SLC26A7: variants seen among roughly 807,000 people sequenced by gnomAD.
SLC26A7 encodes solute carrier family 26 member 7.
A neutral mutation model predicts 82.5 loss-of-function variants in SLC26A7; 59 were observed. That is an observed-to-expected ratio of 0.72 (90% confidence interval 0.58 to 0.89). The LOEUF (loss-of-function observed/expected upper bound fraction) is 0.89. SLC26A7 is among the 40% of genes least tolerant of loss of function. The pLI is 0.00. For missense variants in SLC26A7, 820 were observed against 793.0 expected (o/e 1.03, Z -0.41); for synonymous variants, 271 against 274.3 (o/e 0.99, Z 0.12).
rs189755331 is a variant in SLC26A7, at chr8:91,325,448, A to G, written c.642+7068A>G. Among the ~76,000 whole-genome samples the G allele has an allele frequency of 1.2e-4, 19 of 152,306 alleles. No homozygotes were observed. In the East Asian group the frequency reaches 3.1e-3, roughly 25 times the overall value. On this transcript the variant is annotated intron_variant, in intron 5 of 18. Transcript: ENST00000276609. ...CAGGAACGGAGGGTGAAGGCACTGT[A>G]TAGATACAGGTAGGCTTTCACCAAA...
At chr8:91,363,660 T>C (rs2130871508) in intron 13 of SLC26A7, 122 bp downstream of exon 13, 1 of 536,250 alleles carries the variant, frequency 1.9e-6, no homozygotes, top group South Asian at 2.5e-5. Flanking sequence ...TTAATTAGTA[T>C]AAACTTCCAG....
intron 6 of SLC26A7, among the ~76,000 whole-genome samples, chr8:91,337,047 C>T: frequency 6.6e-6 from 1 of 152,066 alleles, no homozygotes; most frequent in South Asian, 2.1e-4. Flanking sequence ...ATGCTACTAT[C>T]GTATTACAAT....
intron 5 of SLC26A7, among the ~76,000 whole-genome samples, chr8:91,321,921 T>A (rs1812801263): frequency 6.6e-6 from 1 of 152,162 alleles, no homozygotes; most frequent in Non-Finnish European, 1.5e-5. Context: ...TTTTGTGCAC[T>A]GATGATAATT....
Position 91,363,494 on chromosome 8 carries a change from A to C in SLC26A7, c.1444A>C (p.Asn482His). ...CAGAGCAATGACTGTAAGTATAAAA[A>C]ATATGAAAGAAATGGAATTTAAAGT... is the stretch of plus-strand genomic sequence containing the variant. The part of the protein sequence containing the change: ...FPRAMTVSIK[N>H]MKEMEFKVKT... Residue 482 changes from asparagine (N) to histidine (H), a missense_variant, in exon 13 of 19, where the codon AAT becomes CAT. By Grantham distance (68) the Asn-to-His change is moderately conservative (BLOSUM62 1). Transcript: ENST00000276609. 6.6e-7 allele frequency: 1 copy of C among 1,508,348 alleles called. No homozygotes were observed. Among genetic ancestry groups the C allele is most frequent in the Non-Finnish European group, 9.1e-7 (1 of 1,099,550 alleles). The allele number at this position is 1,508,348 out of a possible 1,614,324, so 93.4% of individuals were successfully genotyped here. A position where few individuals can be genotyped will look rare whatever the true frequency, so the allele number is the denominator to read the frequency against.
chr8:91,282,504 T>G (rs889493612), intron 2 of SLC26A7, among the ~76,000 whole-genome samples: 35 of 152,162 alleles, frequency 2.3e-4, no homozygotes, highest in African/African-American at 8.4e-4. Context: ...AGGTGCAAGC[T>G]CTTTCCTCTG....
In SLC26A7 at chr8:91,233,644, T is replaced by C. The variant is rs373137596; in HGVS notation, c.-34+14639T>C. 1.3e-3 allele frequency among the ~76,000 whole-genome samples: 200 copies of C among 152,072 alleles called. 1 individual carries two copies. The highest frequency in any genetic ancestry group is 4.7e-3 in the African/African-American group (197 of 41,498). On this transcript the variant is annotated intron_variant, in intron 2 of 5. Transcript: ENST00000522862. ...GGAGAGGGGTGTGGAACCTGAAATC[T>C]CACCTTTCAGACAAATATGTTCTTG...
intron 9 of SLC26A7, among the ~76,000 whole-genome samples, chr8:91,344,405 A>G (rs1813504548): frequency 6.6e-6 from 1 of 152,190 alleles, no homozygotes; most frequent in Non-Finnish European, 1.5e-5. Context: ...CATTATTCAA[A>G]CAATTTATGT....
intron 9 of SLC26A7, chr8:91,348,263 T>C (rs1206917349): frequency 2.2e-6 from 2 of 891,242 alleles, no homozygotes; most frequent in African/African-American, 3.6e-5. Context: ...TTCTGCCCTT[T>C]CCCATCTCTT....
At position 91,338,150 on chromosome 8, in the gene SLC26A7, A is replaced by G; in HGVS notation, c.796A>G (p.Ile266Val). The change falls in exon 7 of 19, where the codon ATT becomes GTT. Residue 266 changes from isoleucine (I) to valine (V), a missense_variant and splice_region_variant. By Grantham distance (29) the Ile-to-Val change is conservative. Coordinates refer to ENST00000276609, the MANE Select transcript of SLC26A7 (RefSeq NM_052832.4). ...KVVLPVDLVLIIAASFACYCT... is the reference protein window; with the variant it reads ...KVVLPVDLVLVIAASFACYCT... ...TCTTTTTTCAAATGGAACCACACAG[A>G]TTATTGCTGCATCATTTGCTTGTTA... 6.2e-7 allele frequency: 1 copy of G among 1,607,788 alleles called. No individual in the cohort carries two copies. Among genetic ancestry groups the G allele is most frequent in the Non-Finnish European group, 8.5e-7 (1 of 1,177,756 alleles).
At chr8:91,359,369 T>C (rs765706343) in intron 11 of SLC26A7, among the ~76,000 whole-genome samples, 6 of 152,336 alleles carry the variant, frequency 3.9e-5, no homozygotes, top group Admixed American at 2.6e-4. Context: ...GTGTTACAAC[T>C]GAAGGAGAAC....
chr8:91,319,207 C>G (rs1000222013), intron 5 of SLC26A7, among the ~76,000 whole-genome samples: 6 of 151,974 alleles, frequency 3.9e-5, no homozygotes, highest in African/African-American at 1.5e-4. Context: ...CCGTGAGGAT[C>G]CTCTTTATTT....
chr8:91,303,219 A>G (rs75092030), intron 4 of SLC26A7, among the ~76,000 whole-genome samples: 4,255 of 152,258 alleles, frequency 0.028, 176 homozygotes, highest in African/African-American at 0.096. Flanking sequence ...TCTGCTGGGG[A>G]CACAAACACA....
chr8:91,368,549 G>T (rs1291374639), intron 14 of SLC26A7, among the ~76,000 whole-genome samples: 1 of 151,896 alleles, frequency 6.6e-6, no homozygotes. Context: ...CTCCAGAGTA[G>T]CTGGGACTAC....
At chr8:91,323,383 A>G (rs574857785) in intron 5 of SLC26A7, among the ~76,000 whole-genome samples, 7 of 152,312 alleles carry the variant, frequency 4.6e-5, no homozygotes, top group South Asian at 2.1e-4. Flanking sequence ...CAACTCAACC[A>G]TCGTAGGCCA....
At chr8:91,315,864 G>A (rs1049851841) in intron 4 of SLC26A7, among the ~76,000 whole-genome samples, 5 of 152,058 alleles carry the variant, frequency 3.3e-5, no homozygotes, top group Admixed American at 2.0e-4. Context: ...TACAGGTTTC[G>A]AATACCTTGC....
chr8:91,248,728 G>C (rs1490294224), upstream of SLC26A7, among the ~76,000 whole-genome samples: 1 of 152,108 alleles, frequency 6.6e-6, no homozygotes, highest in Non-Finnish European at 1.5e-5. Context: ...ACAATAGTTT[G>C]AACCATATAA....
At chr8:91,364,697 T>TA (rs1190685767) in intron 13 of SLC26A7, among the ~76,000 whole-genome samples, 1 of 152,186 alleles carries the variant, frequency 6.6e-6, no homozygotes, top group Non-Finnish European at 1.5e-5. Flanking sequence ...ATTTTCAGCT[T>TA]AAAAATCACT....
At chr8:91,352,261 C>T (rs150658650) in intron 10 of SLC26A7, among the ~76,000 whole-genome samples, 9 of 152,180 alleles carry the variant, frequency 5.9e-5, no homozygotes, top group African/African-American at 1.7e-4. Context: ...AATACAGCTT[C>T]CTGCTGTTGA....
At chr8:91,297,019 T>C (rs150637226) in intron 4 of SLC26A7, among the ~76,000 whole-genome samples, 3 of 152,334 alleles carry the variant, frequency 2.0e-5, no homozygotes, top group African/African-American at 7.2e-5. Context: ...AGGTTTTCCT[T>C]AATTTCTATT....
Sources: gnomAD v4.1 joint callset for allele counts (sites outside exome capture counted in the v4.1 genomes callset) on GRCh38, gnomAD v4.1.1 for gene constraint, MANE v1.5 for transcripts, NCBI Gene and HGNC (gene_info 2026-07-23, HGNC 2026-07-21) for gene names.